The following TENM3 variants were observed in gnomAD, a reference collection of about 807,000 sequenced individuals.
The protein encoded by TENM3 is teneurin-3.
In TENM3, 63 loss-of-function variants were observed where a neutral mutation model predicts 255.1. The ratio of observed to expected loss-of-function variants is 0.25; its 90% CI spans 0.20 to 0.30. The LOEUF (loss-of-function observed/expected upper bound fraction) is 0.30, where lower values mean the gene tolerates loss of function less well. Among genes scored for constraint, TENM3 ranks in the 10% least tolerant of loss-of-function variants. TENM3 has a pLI of 1.00. For missense variants in TENM3, 2,929 were observed against 3,461.1 expected, an observed-to-expected ratio of 0.85 and a Z score of 3.86; for synonymous variants, 1,306 against 1,322.3, an observed-to-expected ratio of 0.99 and a Z score of 0.27.
chr4:182,629,359 C>T (rs1253390603), intron 5 of TENM3, among the ~76,000 whole-genome samples: 1 of 152,114 alleles, frequency 6.6e-6, no homozygotes, highest in South Asian at 2.1e-4. Flanking sequence ...GGAACACTCT[C>T]CAGAGAACTG....
Position 182,653,759 on chromosome 4 carries a change from C to T in TENM3, c.989-12C>T. 6.2e-7 allele frequency: 1 copy of T among 1,602,152 alleles called. No individual in the cohort carries two copies. The highest frequency in any genetic ancestry group is 8.5e-7 in the Non-Finnish European group (1 of 1,174,312). ...AGCAGATCTTTAAACAACTTGTGTT[C>T]TTTACCCCCAGCAATGCATCTCTTT... is the stretch of plus-strand genomic sequence containing the variant. On this transcript the variant is annotated splice_polypyrimidine_tract_variant and intron_variant, in intron 5 of 27. Transcript: ENST00000511685.
At chr4:182,566,846 T>G (rs1168010397) in intron 3 of TENM3, among the ~76,000 whole-genome samples, 1 of 152,234 alleles carries the variant, frequency 6.6e-6, no homozygotes, top group Non-Finnish European at 1.5e-5. Flanking sequence ...CAGGTGTGTT[T>G]GCCAGGCCAC....
chr4:181,480,624 G>A, the TENM3 span, among the ~76,000 whole-genome samples: 5 of 151,506 alleles, frequency 3.3e-5, no homozygotes, highest in African/African-American at 1.2e-4. Context: ...CCACTTTTTG[G>A]TATATGTTTA....
the TENM3 span, among the ~76,000 whole-genome samples, chr4:181,528,118 A>G: frequency 6.6e-6 from 1 of 152,068 alleles, no homozygotes; most frequent in East Asian, 1.9e-4. Context: ...TATTTTGTCA[A>G]ATGAAAACAT....
chr4:182,356,997 T>G (rs573751548), intron 3 of TENM3, among the ~76,000 whole-genome samples: 1 of 152,178 alleles, frequency 6.6e-6, no homozygotes, highest in East Asian at 1.9e-4. Context: ...AATAGTTTAC[T>G]GAGAATAATG....
chr4:182,094,540 G>A, the TENM3 span, among the ~76,000 whole-genome samples: 3 of 152,232 alleles, frequency 2.0e-5, no homozygotes, highest in South Asian at 2.1e-4. Flanking sequence ...GCCACGGCAC[G>A]CAGCCAGCCA....
the TENM3 span, among the ~76,000 whole-genome samples, chr4:181,477,431 A>G: frequency 0.028 from 4,193 of 152,236 alleles, 166 homozygotes; most frequent in African/African-American, 0.09. Flanking sequence ...CTGAAAGTTC[A>G]GGAGGAATCA....
chr4:182,182,580 A>G (rs1275418149), intron 1 of TENM3, among the ~76,000 whole-genome samples: 1 of 152,198 alleles, frequency 6.6e-6, no homozygotes, highest in East Asian at 1.9e-4. Context: ...TGATGATCTA[A>G]TTATTCTAAA....
At chr4:181,451,431 T>A in the TENM3 span, among the ~76,000 whole-genome samples, 1 of 152,274 alleles carries the variant, frequency 6.6e-6, no homozygotes, top group South Asian at 2.1e-4. Flanking sequence ...TAGAGGAATC[T>A]AGGTAGGAGA....
Position 182,721,171 on chromosome 4 carries a change from C to T in TENM3, c.2368+6938C>T, listed in dbSNP as rs112574753. On this transcript the variant is annotated intron_variant, in intron 13 of 27. Transcript: ENST00000511685. Reference sequence around the variant, plus strand: ...TGGCATCTCTTTAGAAACAGGCCTCCGGGCTACATGTCTTTCCATGTTAAG... The same window carrying T: ...TGGCATCTCTTTAGAAACAGGCCTCTGGGCTACATGTCTTTCCATGTTAAG... Among the ~76,000 whole-genome samples the T allele has an allele frequency of 1.7e-3, 260 of 152,222 alleles. 5 individuals carry two copies. The highest frequency in any genetic ancestry group is 5.6e-3 in the African/African-American group (234 of 41,542).
At chr4:182,553,313 A>C (rs796726433) in intron 3 of TENM3, among the ~76,000 whole-genome samples, 13 of 145,568 alleles carry the variant, frequency 8.9e-5, no homozygotes, top group African/African-American at 3.3e-4. Context: ...TCTCACTCAT[A>C]GGTGGGAATT....
At chr4:181,793,485 T>C in the TENM3 span, among the ~76,000 whole-genome samples, 3 of 152,334 alleles carry the variant, frequency 2.0e-5, no homozygotes, top group Non-Finnish European at 4.4e-5. Context: ...GCAGGACAAG[T>C]GCATTGTCTT....
chr4:181,857,566 A>C, the TENM3 span, among the ~76,000 whole-genome samples: 73,887 of 117,624 alleles, frequency 0.63, 21,878 homozygotes, highest in Admixed American at 0.71. Context: ...AAAAAAAAAA[A>C]AAAAAAAAAC....
the TENM3 span, among the ~76,000 whole-genome samples, chr4:182,038,741 T>C: frequency 0.87 from 131,794 of 152,152 alleles, 57,438 homozygotes; most frequent in Admixed American, 0.92. Flanking sequence ...TTTATTATGA[T>C]TATTTTTTTG....
intron 4 of TENM3, among the ~76,000 whole-genome samples, chr4:182,606,963 A>G (rs1187223564): frequency 6.6e-6 from 1 of 152,228 alleles, no homozygotes; most frequent in Non-Finnish European, 1.5e-5. Context: ...CATATGCTTT[A>G]GAGACCTGGT....
the TENM3 span, among the ~76,000 whole-genome samples, chr4:181,605,759 T>A: frequency 1.3e-5 from 2 of 152,190 alleles, no homozygotes; most frequent in Non-Finnish European, 2.9e-5. Flanking sequence ...AAATGGTATT[T>A]TTGGAACATT....
chr4:182,110,784 C>T, the TENM3 span, among the ~76,000 whole-genome samples: 1 of 152,216 alleles, frequency 6.6e-6, no homozygotes, highest in South Asian at 2.1e-4. Context: ...GAATTCTCTA[C>T]AGATGTAAAA....
chr4:182,240,575 G>A (rs1757187043), upstream of TENM3, among the ~76,000 whole-genome samples: 1 of 152,198 alleles, frequency 6.6e-6, no homozygotes, highest in Non-Finnish European at 1.5e-5. Flanking sequence ...GAAAATGCCT[G>A]ACTTTTCTTC....
Position 182,792,693 on chromosome 4 carries a change from T to C in TENM3, c.6021T>C (p.Phe2007=), listed in dbSNP as rs1025045686. Residue 2007 remains phenylalanine (F), a synonymous_variant, in exon 26 of 28, where the codon TTT becomes TTC. Transcript: ENST00000511685. The surrounding 1 kb of genome is among the most constrained non-coding windows in gnomAD (Gnocchi z 6.3). ...TGATTGACAGGCAGATTTTCCGCTTTAGTGAAGATGGGATGGTAAATGCAA... is the reference window on the plus strand; with the variant it reads ...TGATTGACAGGCAGATTTTCCGCTTCAGTGAAGATGGGATGGTAAATGCAA... The part of the protein sequence containing the change: ...GPLIDRQIFR[F]SEDGMVNARF... 2 of 1,613,846 alleles carry C rather than the reference T, an allele frequency of 1.2e-6. No homozygotes were observed. Among genetic ancestry groups the C allele is most frequent in the Admixed American group, 1.7e-5 (1 of 60,010 alleles).
Sources: gnomAD v4.1 joint callset for allele counts (sites outside exome capture counted in the v4.1 genomes callset) on GRCh38, gnomAD v4.1.1 for gene constraint, Gnocchi (gnomAD v3.1) non-coding constraint, MANE v1.5 for transcripts, NCBI Gene and HGNC (gene_info 2026-07-23, HGNC 2026-07-21) for gene names.